Variants in SPOCK3 observed in about 807,000 individuals in gnomAD.
SPOCK3 encodes the protein SPARC (osteonectin), cwcv and kazal like domains proteoglycan 3, also known as testican-3.
In SPOCK3, 30 loss-of-function variants were observed where a neutral mutation model predicts 56.6. The ratio of observed to expected loss-of-function variants is 0.53; its 90% CI spans 0.40 to 0.72. SPOCK3 has a LOEUF of 0.72. Ranked by LOEUF, SPOCK3 falls within the 30% of genes least tolerant of loss-of-function variation. The pLI is 0.00. For missense variants in SPOCK3, 527 were observed against 530.0 expected (o/e 0.99, Z 0.06); for synonymous variants, 196 against 183.3 (o/e 1.07, Z -0.56).
intron 3 of SPOCK3, among the ~76,000 whole-genome samples, chr4:167,031,352 C>T (rs9312475): frequency 2.0e-5 from 3 of 151,704 alleles, no homozygotes; most frequent in Non-Finnish European, 2.9e-5. Flanking sequence ...AAGAACAAAT[C>T]TACTTGATAT....
At chr4:166,859,275 TTAAG>T (rs1363437804) in intron 6 of SPOCK3, among the ~76,000 whole-genome samples, 5 of 152,128 alleles carry the variant, frequency 3.3e-5, no homozygotes, top group African/African-American at 7.2e-5. Context: ...AGTTCTGTTA[TTAAG>T]TATTATAAAA....
chr4:166,783,458 C>T (rs1456962924), intron 7 of SPOCK3, among the ~76,000 whole-genome samples: 1 of 152,102 alleles, frequency 6.6e-6, no homozygotes, highest in Non-Finnish European at 1.5e-5. Context: ...AAAAGATATT[C>T]TCTTAATATA....
intron 5 of SPOCK3, among the ~76,000 whole-genome samples, chr4:166,903,565 C>A (rs568344796): frequency 6.6e-6 from 1 of 152,188 alleles, no homozygotes; most frequent in African/African-American, 2.4e-5. Context: ...AATTCATCGA[C>A]GTGACTGTGC....
At chr4:167,059,165 C>T (rs1267098748) in intron 3 of SPOCK3, among the ~76,000 whole-genome samples, 1 of 152,052 alleles carries the variant, frequency 6.6e-6, no homozygotes, top group East Asian at 1.9e-4. Context: ...TCTAATTAAA[C>T]TAAAGAGCTT....
intron 6 of SPOCK3, among the ~76,000 whole-genome samples, chr4:166,849,029 T>C (rs546286758): frequency 2.9e-5 from 4 of 139,592 alleles, no homozygotes; most frequent in African/African-American, 1.3e-4. Context: ...TTTTACCAAC[T>C]TGTTGTTTTT....
intron 2 of SPOCK3, among the ~76,000 whole-genome samples, chr4:167,133,141 G>A (rs1023421476): frequency 3.3e-5 from 5 of 152,104 alleles, no homozygotes; most frequent in Non-Finnish European, 5.9e-5. Flanking sequence ...TTCCAAACTG[G>A]TTAAATTAAG....
At chr4:166,837,624 G>A (rs1746766423) in intron 6 of SPOCK3, among the ~76,000 whole-genome samples, 2 of 152,048 alleles carry the variant, frequency 1.3e-5, no homozygotes, top group Admixed American at 1.3e-4. Context: ...ATATAACGTC[G>A]TAAATATTTC....
At chr4:166,768,979 CA>C (rs1428498020) in intron 7 of SPOCK3, among the ~76,000 whole-genome samples, 1 of 152,200 alleles carries the variant, frequency 6.6e-6, no homozygotes, top group Non-Finnish European at 1.5e-5. Flanking sequence ...TTGATCAAAT[CA>C]GCTACTGAAG....
At chr4:167,205,382 TATATATATTTTATATATA>T (rs1734079033) in intron 2 of SPOCK3, among the ~76,000 whole-genome samples, 2 of 42,196 alleles carry the variant, frequency 4.7e-5, no homozygotes, top group African/African-American at 2.1e-4. Flanking sequence ...ATATATATAA[TATATATATTTTATATATA>T]ATATATTATA....
At chr4:166,995,007 A>G (rs1349041014) in intron 4 of SPOCK3, among the ~76,000 whole-genome samples, 1 of 152,174 alleles carries the variant, frequency 6.6e-6, no homozygotes, top group African/African-American at 2.4e-5. Flanking sequence ...AATGCTTAGA[A>G]GAATGTCTCA....
At chr4:166,801,094 C>T (rs951403591) in intron 6 of SPOCK3, among the ~76,000 whole-genome samples, 2 of 152,064 alleles carry the variant, frequency 1.3e-5, no homozygotes, top group African/African-American at 4.8e-5. Context: ...ACAGGCTATA[C>T]CATATAACCT....
chr4:166,916,778 G>A (rs1398651969), intron 4 of SPOCK3, among the ~76,000 whole-genome samples: 1 of 152,138 alleles, frequency 6.6e-6, no homozygotes, highest in Non-Finnish European at 1.5e-5. Context: ...TGCAATGACA[G>A]GTTTCATTAT....
intron 6 of SPOCK3, among the ~76,000 whole-genome samples, chr4:166,851,029 G>C (rs368353173): frequency 6.6e-6 from 1 of 152,156 alleles, no homozygotes; most frequent in Non-Finnish European, 1.5e-5. Context: ...ACAGACAAAC[G>C]AAAAGACAGC....
rs888085216 is a variant in SPOCK3 at position 166,834,813 on chromosome 4, C to G, written c.590-42524G>C. On this transcript the variant is annotated intron_variant, in intron 6 of 10. Coordinates refer to ENST00000357545, the MANE Select transcript of SPOCK3 (RefSeq NM_001040159.2). ...GTAATGTTTTTCTCTCTCTCTTTCT[C>G]CCCCATCTTTTTTATCTCTCTTTTA... Among the ~76,000 whole-genome samples, 7 of 152,156 alleles carry G rather than the reference C, an allele frequency of 4.6e-5. No homozygotes were observed. In the South Asian group the frequency reaches 8.3e-4, roughly 18 times the overall value.
intron 4 of SPOCK3, among the ~76,000 whole-genome samples, chr4:166,932,293 G>A (rs1156886804): frequency 6.6e-6 from 1 of 152,058 alleles, no homozygotes; most frequent in African/African-American, 2.4e-5. Flanking sequence ...GTTTTATCAA[G>A]AAAATTCCTA....
intron 3 of SPOCK3, among the ~76,000 whole-genome samples, chr4:167,055,573 C>T (rs1462947138): frequency 6.6e-6 from 1 of 152,172 alleles, no homozygotes; most frequent in East Asian, 1.9e-4. Context: ...ACAGACAGCA[C>T]CTGGAAAATC....
At chr4:167,054,937 G>A (rs1352852938) in intron 3 of SPOCK3, among the ~76,000 whole-genome samples, 2 of 152,084 alleles carry the variant, frequency 1.3e-5, no homozygotes, top group Non-Finnish European at 2.9e-5. Flanking sequence ...GGAGTTTTGT[G>A]CTGAGAATTT....
At chr4:167,054,933 T>C (rs1754623764) in intron 3 of SPOCK3, among the ~76,000 whole-genome samples, 1 of 152,174 alleles carries the variant, frequency 6.6e-6, no homozygotes, top group African/African-American at 2.4e-5. Context: ...GAAAGGAGTT[T>C]TGTGCTGAGA....
chr4:167,185,276 T>C (rs1041218584), intron 2 of SPOCK3, among the ~76,000 whole-genome samples: 2 of 152,198 alleles, frequency 1.3e-5, no homozygotes, highest in Non-Finnish European at 2.9e-5. Context: ...ATTAAAACAG[T>C]GATTAAACCC....
Sources: gnomAD v4.1 joint callset for allele counts (sites outside exome capture counted in the v4.1 genomes callset) on GRCh38, gnomAD v4.1.1 for gene constraint, MANE v1.5 for transcripts, NCBI Gene and HGNC (gene_info 2026-07-23, HGNC 2026-07-21) for gene names.